Variants in SVOPL observed in about 807,000 individuals in gnomAD.
SVOPL encodes the protein putative transporter SVOPL.
A neutral mutation model predicts 61.0 loss-of-function variants in SVOPL; 60 were observed. That is an observed-to-expected ratio of 0.98 (90% confidence interval 0.80 to 1.22). SVOPL has a LOEUF of 1.22. SVOPL is among the 50% of genes most tolerant of loss of function. SVOPL has a pLI of 0.00. For missense variants in SVOPL, 662 were observed against 643.9 expected (o/e 1.03, Z -0.30); for synonymous variants, 279 against 250.0 (o/e 1.12, Z -1.09).
Position 138,627,363 on chromosome 7 carries a change from T to C in SVOPL, c.1168A>G (p.Ile390Val). 2.5e-6 allele frequency: 4 copies of C among 1,612,890 alleles called. No homozygotes were observed. The highest frequency in any genetic ancestry group is 3.4e-6 in the Non-Finnish European group (4 of 1,178,962). ...CTALFFLLLN[I>V]CTSSAGLIGF... Reference sequence around the variant, plus strand: ...AACAGAAAATACCTTGAAGTGCAAATGTTGAGGAGAAGGAAGAATAAAGCC... The same window carrying C: ...AACAGAAAATACCTTGAAGTGCAAACGTTGAGGAGAAGGAAGAATAAAGCC... The change falls in exon 12 of 16, where the codon ATT (isoleucine) becomes GTT (valine). Residue 390 changes from isoleucine to valine, a missense_variant. Ile to Val is a conservative substitution (Grantham distance 29). Transcript: ENST00000674285.
intron 5 of SVOPL, chr7:138,662,249 T>C (rs1802032995): frequency 2.0e-6 from 2 of 985,396 alleles, no homozygotes; most frequent in Non-Finnish European, 2.4e-6. Context: ...CTAGTCATTT[T>C]ACTTTTTCTT....
intron 8 of SVOPL, among the ~76,000 whole-genome samples, chr7:138,648,353 G>A (rs933948022): frequency 6.6e-6 from 1 of 151,958 alleles, no homozygotes; most frequent in African/African-American, 2.4e-5. Flanking sequence ...GCTCATGCCT[G>A]TAATCCCAGC....
At chr7:138,604,718 T>C (rs1798679049) in intron 14 of SVOPL, among the ~76,000 whole-genome samples, 1 of 118,230 alleles carries the variant, frequency 8.5e-6, no homozygotes, top group Admixed American at 7.9e-5. Flanking sequence ...TAAGAAATAA[T>C]GGAAACAATG....
intron 6 of SVOPL, among the ~76,000 whole-genome samples, chr7:138,657,254 C>G (rs1801792264): frequency 6.6e-6 from 1 of 151,978 alleles, no homozygotes; most frequent in African/African-American, 2.4e-5. Flanking sequence ...CTCCTGGGCT[C>G]AAGAGATCTT....
At position 138,627,399 on chromosome 7, in the gene SVOPL, T is replaced by C. The variant is rs1799940936; in HGVS notation, c.1132A>G (p.Met378Val). The C allele has an allele frequency of 2.5e-6, 4 of 1,613,700 alleles. No homozygotes were observed. The highest frequency in any genetic ancestry group is 2.2e-5 in the East Asian group (1 of 44,890). ...AGGAAGAATAAAGCCGTGCATCCCA[T>C]GGTAATAGAAAGGCTCAGCCGTCTT... is the stretch of plus-strand genomic sequence containing the variant. ...LGRRLSLSITMGCTALFFLLL... is the reference protein window; with the variant it reads ...LGRRLSLSITVGCTALFFLLL... Residue 378 changes from methionine (M) to valine (V), a missense_variant, in exon 12 of 16, where the codon ATG (methionine) becomes GTG (valine). By Grantham distance (21) the Met-to-Val change is conservative. Transcript: ENST00000674285.
rs373693784 is a variant in SVOPL, at chr7:138,653,948, AG to A, written c.534+2499del. On this transcript the variant is annotated intron_variant, in intron 7 of 15. Transcript: ENST00000674285. ...ACTCTGTCTCAAAAAAAAAAAAAAAAGAAAAGAAAAGAAAAGAAAAGAAAAA... is the reference window on the plus strand; with the variant it reads ...ACTCTGTCTCAAAAAAAAAAAAAAAAAAAAGAAAAGAAAAGAAAAGAAAAA... 3.2e-4 allele frequency among the ~76,000 whole-genome samples: 46 copies of A among 144,276 alleles called. No individual in the cohort carries two copies. The South Asian group carries it at 5.8e-3, about 18-fold the overall frequency. 94.7% of individuals were successfully genotyped at this position (144,276 alleles called of 152,430 possible).
chr7:138,622,274 C>A (rs867578648), intron 13 of SVOPL, among the ~76,000 whole-genome samples: 1 of 103,652 alleles, frequency 9.6e-6, no homozygotes, highest in Non-Finnish European at 2.0e-5. Context: ...ATCTATGTAT[C>A]TATCTATCTA....
At chr7:138,639,340 A>C (rs2116969800) in intron 9 of SVOPL, among the ~76,000 whole-genome samples, 1 of 147,688 alleles carries the variant, frequency 6.8e-6, no homozygotes, top group East Asian at 2.1e-4. Flanking sequence ...TATTAAAAGA[A>C]TATCGGCTGG....
At chr7:138,640,044 T>C (rs891168801) in intron 9 of SVOPL, among the ~76,000 whole-genome samples, 5 of 150,572 alleles carry the variant, frequency 3.3e-5, no homozygotes, top group Non-Finnish European at 7.4e-5. Context: ...GCCTGAGCTA[T>C]CTCACACCCG....
intron 7 of SVOPL, among the ~76,000 whole-genome samples, chr7:138,650,464 C>T (rs147619434): frequency 1.1e-3 from 167 of 151,718 alleles, no homozygotes; most frequent in African/African-American, 3.9e-3. Flanking sequence ...AAGTAACTAT[C>T]GGGTCATTGG....
intron 14 of SVOPL, chr7:138,597,022 G>T: frequency 1.7e-6 from 2 of 1,151,194 alleles, no homozygotes; most frequent in South Asian, 3.8e-5. Context: ...TCTTGTCTCC[G>T]GTTATGGAGT....
intron 14 of SVOPL, among the ~76,000 whole-genome samples, chr7:138,604,033 G>A (rs185111236): frequency 1.9e-4 from 27 of 141,068 alleles, no homozygotes; most frequent in African/African-American, 4.2e-4. Flanking sequence ...GTGTGGTCAC[G>A]ACTCACTGCA....
intron 14 of SVOPL, chr7:138,597,054 G>A: frequency 1.7e-6 from 2 of 1,155,896 alleles, no homozygotes; most frequent in Admixed American, 3.8e-5. Context: ...AAAACTCTTT[G>A]GTGTCAATTT....
chr7:138,655,179 G>GACC (rs1253016037), intron 7 of SVOPL, among the ~76,000 whole-genome samples: 1 of 150,648 alleles, frequency 6.6e-6, no homozygotes, highest in African/African-American at 2.4e-5. Context: ...GACAGAGCAA[G>GACC]ACCCTGTCTC....
At chr7:138,611,885 C>G (rs1308856590) in intron 14 of SVOPL, among the ~76,000 whole-genome samples, 3 of 72,924 alleles carry the variant, frequency 4.1e-5, no homozygotes, top group Admixed American at 2.2e-4. Flanking sequence ...GCCACCCCGT[C>G]TGGGAGGTGT....
At chr7:138,667,249 C>G (rs1405375667) in intron 4 of SVOPL, among the ~76,000 whole-genome samples, 1 of 152,170 alleles carries the variant, frequency 6.6e-6, no homozygotes, top group Non-Finnish European at 1.5e-5. Context: ...AATCTTATGT[C>G]AAAGTATTAT....
chr7:138,628,432 T>A, intron 10 of SVOPL, 69 bp from the exon 11 acceptor site: 1 of 1,508,826 alleles, frequency 6.6e-7, no homozygotes. Context: ...GGGGAGGGGA[T>A]ACCAAGTGGA....
At chr7:138,627,186 G>A (rs149767354) in intron 12 of SVOPL, among the ~76,000 whole-genome samples, 164 bp downstream of exon 12, 5 of 152,196 alleles carry the variant, frequency 3.3e-5, no homozygotes, top group South Asian at 4.2e-4. Context: ...AGAGGGAAGC[G>A]GGGATAGTAG....
At chr7:138,643,484 T>C (rs529049156) in intron 9 of SVOPL, among the ~76,000 whole-genome samples, 4 of 150,486 alleles carry the variant, frequency 2.7e-5, no homozygotes, top group South Asian at 2.1e-4. Flanking sequence ...CCCGTGTTCA[T>C]AGTAGCATCA....
Sources: gnomAD v4.1 joint callset for allele counts (sites outside exome capture counted in the v4.1 genomes callset) on GRCh38, gnomAD v4.1.1 for gene constraint, MANE v1.5 for transcripts, NCBI Gene and HGNC (gene_info 2026-07-23, HGNC 2026-07-21) for gene names.